Variants in CRTAM observed in about 807,000 individuals in gnomAD.
CRTAM encodes cytotoxic and regulatory T-cell molecule.
In CRTAM, 44 loss-of-function variants were observed where a neutral mutation model predicts 50.0. The ratio of observed to expected loss-of-function variants is 0.88; its 90% CI spans 0.69 to 1.13. CRTAM has a LOEUF of 1.13. Among genes scored for constraint, CRTAM ranks in the 50% most tolerant of loss-of-function variants. The pLI is 0.00. For synonymous variants in CRTAM, 159 were observed against 169.3 expected, an observed-to-expected ratio of 0.94 and a Z score of 0.47; for missense variants, 448 against 457.5, an observed-to-expected ratio of 0.98 and a Z score of 0.19.
intron 1 of CRTAM, among the ~76,000 whole-genome samples, chr11:122,840,613 C>A (rs999910270): frequency 8.5e-5 from 13 of 152,160 alleles, no homozygotes; most frequent in African/African-American, 3.1e-4. Context: ...CCTGACCTAA[C>A]CTTGCTCAAG....
intron 5 of CRTAM, among the ~76,000 whole-genome samples, chr11:122,858,860 T>C (rs1265185098): frequency 6.6e-6 from 1 of 152,156 alleles, no homozygotes; most frequent in Non-Finnish European, 1.5e-5. Context: ...AAATGCGGAA[T>C]CTTGGTTTTC....
chr11:122,867,314 A>T, intron 7 of CRTAM, 95 bp from the exon 8 acceptor site: 1 of 1,092,810 alleles, frequency 9.2e-7, no homozygotes, highest in Non-Finnish European at 1.3e-6. Flanking sequence ...CTATTAGCTT[A>T]TATCACATTG....
chr11:122,841,229 C>T (rs1861793183), intron 1 of CRTAM, among the ~76,000 whole-genome samples: 1 of 152,048 alleles, frequency 6.6e-6, no homozygotes, highest in African/African-American at 2.4e-5. Context: ...AATTAAAACA[C>T]ACTTTTGCTT....
chr11:122,862,555 A>G lies in CRTAM; in HGVS notation c.733+11A>G. The G allele has an allele frequency of 1.3e-6, 2 of 1,494,722 alleles. No homozygotes were observed. The highest frequency in any genetic ancestry group is 1.8e-6 in the Non-Finnish European group (2 of 1,086,172). The allele number at this position is 1,494,722 out of a possible 1,614,324, so 92.6% of individuals were successfully genotyped here. On this transcript the variant is annotated intron_variant, in intron 6 of 9. Transcript: ENST00000227348. ...AGCCCACCAGTACTGGTAAGTGTCAAAATCATTCAAACTTGTTTTTAAAAA... is the reference window on the plus strand; with the variant it reads ...AGCCCACCAGTACTGGTAAGTGTCAGAATCATTCAAACTTGTTTTTAAAAA...
chr11:122,847,257 G>A (rs1389774742), intron 1 of CRTAM, among the ~76,000 whole-genome samples: 3 of 152,168 alleles, frequency 2.0e-5, no homozygotes, highest in Non-Finnish European at 4.4e-5. Flanking sequence ...TCGTGTGCGT[G>A]TGTGTTACCA....
intron 7 of CRTAM, 99 bp from the exon 8 acceptor site, chr11:122,867,310 G>A: frequency 9.4e-7 from 1 of 1,059,280 alleles, no homozygotes; most frequent in African/African-American, 1.6e-5. Context: ...CTGTCTATTA[G>A]CTTATATCAC....
chr11:122,862,563 C>G lies in CRTAM; in HGVS notation c.733+19C>G. 6.9e-7 allele frequency: 1 copy of G among 1,445,410 alleles called. No homozygotes were observed. The highest frequency in any genetic ancestry group is 9.6e-7 in the Non-Finnish European group (1 of 1,045,310). 89.5% of individuals were successfully genotyped at this position (1,445,410 alleles called of 1,614,324 possible). ...AGTACTGGTAAGTGTCAAAATCATT[C>G]AAACTTGTTTTTAAAAAATCACGTT... On this transcript the variant is annotated intron_variant, in intron 6 of 9. Coordinates refer to ENST00000227348, the MANE Select transcript of CRTAM (RefSeq NM_019604.4).
At chr11:122,867,707 A>C in intron 8 of CRTAM, 152 bp downstream of exon 8, 2 of 804,678 alleles carry the variant, frequency 2.5e-6, no homozygotes, top group Non-Finnish European at 3.8e-6. Flanking sequence ...GTTTTCTAGT[A>C]AACTCGGGTG....
chr11:122,841,995 G>A (rs1861804843), intron 1 of CRTAM, among the ~76,000 whole-genome samples: 1 of 152,134 alleles, frequency 6.6e-6, no homozygotes. Flanking sequence ...CTTGAGTTGG[G>A]TCTTAATGTT....
At chr11:122,854,864 A>C (rs1279473585) in intron 4 of CRTAM, among the ~76,000 whole-genome samples, 1 of 152,200 alleles carries the variant, frequency 6.6e-6, no homozygotes, top group East Asian at 1.9e-4. Context: ...AGCCTTTGAA[A>C]CAGAATAACT....
intron 9 of CRTAM, among the ~76,000 whole-genome samples, chr11:122,868,739 T>A (rs908608622): frequency 3.9e-5 from 6 of 152,206 alleles, no homozygotes; most frequent in Non-Finnish European, 7.3e-5. Flanking sequence ...CTGGGTACGG[T>A]GGCTCACGCC....
At chr11:122,868,577 C>T (rs989792129) in intron 9 of CRTAM, among the ~76,000 whole-genome samples, 1 of 152,186 alleles carries the variant, frequency 6.6e-6, no homozygotes, top group Non-Finnish European at 1.5e-5. Flanking sequence ...ACCTACTCCA[C>T]TCAGACTCAC....
At chr11:122,849,637 G>A (rs1007433200) in intron 1 of CRTAM, among the ~76,000 whole-genome samples, 4 of 152,042 alleles carry the variant, frequency 2.6e-5, no homozygotes, top group Non-Finnish European at 2.9e-5. Flanking sequence ...CATGAGAATC[G>A]CTTGAACCCA....
At chr11:122,838,667 A>G in intron 1 of CRTAM, 75 bp downstream of exon 1, 2 of 1,387,452 alleles carry the variant, frequency 1.4e-6, no homozygotes, top group Non-Finnish European at 1.0e-6. Context: ...CAGTCAGTCA[A>G]CTGCATTTAC....
At chr11:122,852,440 C>T (rs988583378) in intron 3 of CRTAM, among the ~76,000 whole-genome samples, 2 of 152,164 alleles carry the variant, frequency 1.3e-5, no homozygotes, top group Non-Finnish European at 2.9e-5. Flanking sequence ...GTATGTCTAT[C>T]CTTACTTGTT....
intron 9 of CRTAM, among the ~76,000 whole-genome samples, chr11:122,868,421 G>C (rs1050538666): frequency 6.6e-6 from 1 of 151,958 alleles, no homozygotes; most frequent in Non-Finnish European, 1.5e-5. Flanking sequence ...AGGGAGTCTC[G>C]AGTTCTGCTG....
At chr11:122,850,329 C>A (rs1382027294) in intron 2 of CRTAM, 115 bp downstream of exon 2, 1 of 1,010,940 alleles carries the variant, frequency 9.9e-7, no homozygotes, top group Non-Finnish European at 1.4e-6. Flanking sequence ...GTGGGCTCAG[C>A]CCACCTACTG....
chr11:122,854,960 T>C (rs1861986084), intron 4 of CRTAM, among the ~76,000 whole-genome samples: 2 of 151,198 alleles, frequency 1.3e-5, no homozygotes, highest in Non-Finnish European at 3.0e-5. Context: ...TCAACCATCT[T>C]TTTTTTTTGA....
intron 2 of CRTAM, 36 bp downstream of exon 2, chr11:122,850,250 C>T (rs762507595): frequency 2.6e-6 from 4 of 1,555,528 alleles, no homozygotes; most frequent in Non-Finnish European, 3.5e-6. Context: ...TGCCACCAGA[C>T]CTTAACCTGA....
Sources: gnomAD v4.1 joint callset for allele counts (sites outside exome capture counted in the v4.1 genomes callset) on GRCh38, gnomAD v4.1.1 for gene constraint, MANE v1.5 for transcripts, NCBI Gene and HGNC (gene_info 2026-07-23, HGNC 2026-07-21) for gene names.